LTBP1: variants seen among roughly 807,000 people sequenced by gnomAD.
LTBP1 encodes latent-transforming growth factor beta-binding protein 1.
In LTBP1, 129 loss-of-function variants were observed where a neutral mutation model predicts 207.6. The observed-to-expected ratio is 0.62, with a 90% CI of 0.54 to 0.72. LTBP1 has a LOEUF of 0.72. LTBP1 is among the 30% of genes least tolerant of loss of function. LTBP1 has a pLI of 0.00. For synonymous variants in LTBP1, 963 were observed against 833.7 expected (o/e 1.16, Z -2.67); for missense variants, 2,281 against 2,217.2 (o/e 1.03, Z -0.58).
chr2:33,158,598 G>C (rs900733513), intron 5 of LTBP1, among the ~76,000 whole-genome samples: 1 of 136,090 alleles, frequency 7.3e-6, no homozygotes, highest in Non-Finnish European at 1.7e-5. Context: ...TGCAAAGGAA[G>C]TAGAGTAATA....
chr2:33,308,224 A>G (rs1228717259), intron 22 of LTBP1, among the ~76,000 whole-genome samples: 1 of 152,240 alleles, frequency 6.6e-6, no homozygotes, highest in Non-Finnish European at 1.5e-5. Flanking sequence ...GCAGCCCTTG[A>G]GAAAGATCTG....
chr2:33,030,229 TAACTC>T (rs2075628039), intron 3 of LTBP1, among the ~76,000 whole-genome samples: 1 of 152,298 alleles, frequency 6.6e-6, no homozygotes, highest in East Asian at 1.9e-4. Flanking sequence ...AGGATGTTCT[TAACTC>T]AGACGGGAAG....
intron 7 of LTBP1, among the ~76,000 whole-genome samples, chr2:33,212,705 C>G (rs1161689976): frequency 4.6e-5 from 7 of 152,140 alleles, no homozygotes; most frequent in African/African-American, 1.7e-4. Context: ...TGATTTGTAG[C>G]CTTTAGTCCT....
At chr2:33,292,713 T>C (rs2093798297) in intron 19 of LTBP1, among the ~76,000 whole-genome samples, 1 of 152,216 alleles carries the variant, frequency 6.6e-6, no homozygotes, top group Non-Finnish European at 1.5e-5. Context: ...CACCTTTCTG[T>C]TAAAACTTCT....
rs539736072 is a variant in LTBP1 at position 33,300,637 on chromosome 2, C to T, written c.3358+64C>T. On this transcript the variant is annotated intron_variant, in intron 21 of 33. Coordinates refer to ENST00000404816, the MANE Select transcript of LTBP1 (RefSeq NM_206943.4). The stretch of plus-strand genomic sequence containing the variant: ...TAAAGCACCTGGTCTGAAAAAGGTA[C>T]GCTCAATCAAGTGAGTTTACCTTTT... 159 of 1,523,070 alleles carry T rather than the reference C, an allele frequency of 1.0e-4. No individual in the cohort carries two copies. The African/African-American group carries it at 1.4e-3, about 14-fold the overall frequency. The allele number at this position is 1,523,070 out of a possible 1,614,324, so 94.3% of individuals were successfully genotyped here. A position where few individuals can be genotyped will look rare whatever the true frequency, so the allele number is the denominator to read the frequency against.
chr2:33,299,674 G>T (rs1037859614), intron 20 of LTBP1, among the ~76,000 whole-genome samples: 1 of 152,132 alleles, frequency 6.6e-6, no homozygotes, highest in Non-Finnish European at 1.5e-5. Context: ...ATCTGCTTAG[G>T]TCGGACCAAT....
chr2:33,126,308 A>G (rs112527907), intron 4 of LTBP1, among the ~76,000 whole-genome samples: 52 of 152,190 alleles, frequency 3.4e-4, no homozygotes, highest in African/African-American at 9.6e-4. Context: ...AACTCAAGCA[A>G]TCCTCCCCCT....
At chr2:32,958,653 T>C (rs796803108) in intron 2 of LTBP1, among the ~76,000 whole-genome samples, 5 of 152,362 alleles carry the variant, frequency 3.3e-5, no homozygotes, top group African/African-American at 1.2e-4. Flanking sequence ...GATTTTGCGA[T>C]GTTGCTAATG....
chr2:32,959,619 A>ATT (rs1378144146), intron 2 of LTBP1, among the ~76,000 whole-genome samples: 23 of 48,088 alleles, frequency 4.8e-4, no homozygotes, highest in East Asian at 1.6e-3. Context: ...ATATATATAT[A>ATT]TATTTTTTTT....
chr2:32,981,565 A>G (rs1229931526), intron 2 of LTBP1, among the ~76,000 whole-genome samples: 2 of 152,184 alleles, frequency 1.3e-5, no homozygotes, highest in African/African-American at 4.8e-5. Context: ...CAGGACTGGA[A>G]AGTAGAAGCT....
intron 8 of LTBP1, among the ~76,000 whole-genome samples, chr2:33,218,042 T>C (rs916974328): frequency 6.6e-6 from 1 of 152,254 alleles, no homozygotes; most frequent in African/African-American, 2.4e-5. Context: ...AAATGAGATT[T>C]TTATTAATGT....
Position 33,262,731 on chromosome 2 carries a change from T to G in LTBP1, c.2428T>G (p.Ser810Ala). ...ATAPPEKEIP[S>A]LDQEKTKLEP... ...AAATACAACCATCCAGGAAATACCTTCATTGGATCAAGAGAAAACCAAACT... is the reference window on the plus strand; with the variant it reads ...AAATACAACCATCCAGGAAATACCTGCATTGGATCAAGAGAAAACCAAACT... Residue 810 changes from serine to alanine, a missense_variant, in exon 14 of 34, where the codon TCA becomes GCA. Physicochemically the swap from Ser to Ala is moderately conservative, Grantham distance 99. Coordinates refer to ENST00000404816, the MANE Select transcript of LTBP1 (RefSeq NM_206943.4). The G allele has an allele frequency of 6.3e-7, 1 of 1,590,366 alleles. No individual in the cohort carries two copies. Among genetic ancestry groups the G allele is most frequent in the Non-Finnish European group, 8.6e-7 (1 of 1,163,336 alleles).
chr2:32,973,347 T>C (rs1314440808), intron 2 of LTBP1, among the ~76,000 whole-genome samples: 1 of 152,224 alleles, frequency 6.6e-6, no homozygotes, highest in Non-Finnish European at 1.5e-5. Context: ...ATATACTTAG[T>C]ATAATTAAAT....
At chr2:33,257,652 G>A in intron 12 of LTBP1, 141 bp downstream of exon 12, 1 of 675,550 alleles carries the variant, frequency 1.5e-6, no homozygotes, top group East Asian at 2.7e-5. Flanking sequence ...TTTGATTGGG[G>A]GCTGCCCTGT....
chr2:33,134,634 C>A lies in LTBP1; in HGVS notation c.1034-159C>A. ...AATACAGAGCAGCGAGCACTGAAGGCTTCCCTCTTTCCTTAAACCTGTCGG... is the reference window on the plus strand; with the variant it reads ...AATACAGAGCAGCGAGCACTGAAGGATTCCCTCTTTCCTTAAACCTGTCGG... On this transcript the variant is annotated intron_variant, in intron 4 of 33. Transcript: ENST00000404816. The surrounding 1 kb of genome is among the most constrained non-coding windows in gnomAD (Gnocchi z 4.4). 1.3e-6 allele frequency: 2 copies of A among 1,538,562 alleles called. No individual in the cohort carries two copies. The highest frequency in any genetic ancestry group is 1.8e-6 in the Non-Finnish European group (2 of 1,142,468).
intron 3 of LTBP1, among the ~76,000 whole-genome samples, chr2:33,074,978 G>C: frequency 6.6e-6 from 1 of 152,136 alleles, no homozygotes; most frequent in East Asian, 1.9e-4. Flanking sequence ...TTGAATCTGG[G>C]AGGCGGAGGT....
At chr2:33,179,069 A>G (rs2086358380) in intron 5 of LTBP1, among the ~76,000 whole-genome samples, 1 of 152,088 alleles carries the variant, frequency 6.6e-6, no homozygotes, top group African/African-American at 2.4e-5. Flanking sequence ...GCTGTTTTTA[A>G]AAAGTCACCT....
chr2:33,222,056 A>T, intron 8 of LTBP1, 24 bp from the exon 9 acceptor site: 1 of 1,569,458 alleles, frequency 6.4e-7, no homozygotes, highest in Non-Finnish European at 8.8e-7. Context: ...TTAAGTATGT[A>T]ACAAAGCATT....
rs2081979903 is a variant in LTBP1 at position 33,134,088 on chromosome 2, C to T, written c.1034-705C>T. ...AGGGTGTTATTTTTAGGGAGGCAAC[C>T]ATTTATCCCTGTGACCTGGCTTACC... On this transcript the variant is annotated intron_variant, in intron 4 of 33. Coordinates refer to ENST00000404816, the MANE Select transcript of LTBP1 (RefSeq NM_206943.4). The surrounding 1 kb of genome is among the most constrained non-coding windows in gnomAD (Gnocchi z 4.4). Among the ~76,000 whole-genome samples the T allele has an allele frequency of 6.6e-6, 1 of 152,192 alleles. No individual in the cohort carries two copies. Among genetic ancestry groups the T allele is most frequent in the Non-Finnish European group, 1.5e-5 (1 of 68,030 alleles).
Sources: allele counts gnomAD v4.1 joint callset (sites outside exome capture counted in the v4.1 genomes callset), GRCh38; gene constraint gnomAD v4.1.1; non-coding constraint Gnocchi (gnomAD v3.1); transcripts MANE v1.5; gene names NCBI Gene and HGNC (gene_info 2026-07-23, HGNC 2026-07-21).